The following HABP4 variants were observed in gnomAD, a reference collection of about 807,000 sequenced individuals.
HABP4 encodes the protein hyaluronan binding protein 4, also known as intracellular hyaluronan-binding protein 4.
In HABP4, 32 loss-of-function variants were observed where a neutral mutation model predicts 44.1. The observed-to-expected ratio is 0.73, with a 90% CI of 0.55 to 0.97. The LOEUF is 0.97. HABP4 is among the 50% of genes least tolerant of loss of function. The pLI, the probability that HABP4 is intolerant of heterozygous loss-of-function variation, is 0.00. For synonymous variants in HABP4, 216 were observed against 218.0 expected, an observed-to-expected ratio of 0.99 and a Z score of 0.08; for missense variants, 503 against 561.9, an observed-to-expected ratio of 0.90 and a Z score of 1.06.
intron 2 of HABP4, among the ~76,000 whole-genome samples, chr9:96,459,147 T>C (rs1273305733): frequency 3.9e-4 from 60 of 152,350 alleles, no homozygotes; most frequent in Non-Finnish European, 8.8e-5. Context: ...CAGGAGTGTG[T>C]TGAACTGGTT....
intron 5 of HABP4, among the ~76,000 whole-genome samples, chr9:96,481,602 G>T (rs1832881355): frequency 6.6e-6 from 1 of 151,876 alleles, no homozygotes; most frequent in Non-Finnish European, 1.5e-5. Context: ...AAAATTAGCT[G>T]GGCCTGATGG....
intron 5 of HABP4, among the ~76,000 whole-genome samples, chr9:96,477,812 A>T (rs142084689): frequency 6.5e-4 from 99 of 152,338 alleles, no homozygotes; most frequent in Middle Eastern, 3.4e-3. Context: ...AATCATGAGC[A>T]TAGCCATCGC....
intron 5 of HABP4, among the ~76,000 whole-genome samples, chr9:96,475,874 G>A (rs1018343821): frequency 6.6e-6 from 1 of 152,160 alleles, no homozygotes; most frequent in African/African-American, 2.4e-5. Context: ...TAGTGTATTT[G>A]CTTAAACAAT....
intron 5 of HABP4, chr9:96,484,211 G>C: frequency 5.6e-6 from 2 of 356,554 alleles, no homozygotes; most frequent in East Asian, 1.1e-4. Context: ...ATGTCATCAG[G>C]ATGGTGATGT....
intron 6 of HABP4, among the ~76,000 whole-genome samples, chr9:96,485,655 G>A (rs1832963345): frequency 6.6e-6 from 1 of 152,182 alleles, no homozygotes; most frequent in Non-Finnish European, 1.5e-5. Context: ...TGATAGGGAT[G>A]CCATGGGGTC....
At chr9:96,466,096 C>T (rs1384515686) in intron 4 of HABP4, among the ~76,000 whole-genome samples, 4 of 152,146 alleles carry the variant, frequency 2.6e-5, no homozygotes, top group East Asian at 1.9e-4. Flanking sequence ...GTTGGCTGCA[C>T]ACGGTGACTC....
At chr9:96,464,633 A>G (rs1408813361) in intron 2 of HABP4, among the ~76,000 whole-genome samples, 2 of 152,176 alleles carry the variant, frequency 1.3e-5, no homozygotes, top group African/African-American at 4.8e-5. Flanking sequence ...GCAGGCAGAA[A>G]AAGAGAAGCC....
chr9:96,490,233 A>C lies in HABP4; in HGVS notation c.*195A>C. On this transcript the variant is annotated 3_prime_UTR_variant, in exon 8 of 8. Coordinates refer to ENST00000375249, the MANE Select transcript of HABP4 (RefSeq NM_014282.4). ...CTCGAGAGCAGGCCATTTCCCAAGA[A>C]GATGAAGAATGGTGACTGTGTTTTT... The C allele has an allele frequency of 1.7e-6, 1 of 589,690 alleles. No individual in the cohort carries two copies. 36.5% of individuals were successfully genotyped at this position (589,690 alleles called of 1,614,324 possible).
chr9:96,461,338 A>G (rs1023161368), intron 2 of HABP4, among the ~76,000 whole-genome samples: 10 of 151,988 alleles, frequency 6.6e-5, no homozygotes, highest in Admixed American at 1.3e-4. Flanking sequence ...TTTTTTTTTC[A>G]GAACAGGAAT....
In HABP4 at chr9:96,488,970, C is replaced by T. The variant is rs569381972; in HGVS notation, c.1185+696C>T. Among the ~76,000 whole-genome samples the T allele has an allele frequency of 4.4e-4, 67 of 152,268 alleles. No individual in the cohort carries two copies. The highest frequency in any genetic ancestry group is 6.5e-4 in the Admixed American group (10 of 15,300). On this transcript the variant is annotated intron_variant, in intron 7 of 7. Transcript: ENST00000375249. The surrounding 1 kb of genome is among the most constrained non-coding windows in gnomAD (Gnocchi z 4.6). ...CTCATTACCGGTTTACGCAGTGCCACGCAGTGCCTGGCATGTAGTAGGTGC... is the reference window on the plus strand; with the variant it reads ...CTCATTACCGGTTTACGCAGTGCCATGCAGTGCCTGGCATGTAGTAGGTGC...
Position 96,489,998 on chromosome 9 carries a change from C to T in HABP4, c.1202C>T (p.Pro401Leu), listed in dbSNP as rs1220885437. The T allele has an allele frequency of 1.2e-6, 2 of 1,601,376 alleles. No homozygotes were observed. The highest frequency in any genetic ancestry group is 1.1e-5 in the South Asian group (1 of 90,804). ...RAEVVMQDVA[P>L]NPDDPEDFPA... ...TTTCTTTAGATGCAAGATGTTGCCCCCAACCCAGATGACCCGGAAGATTTC... is the reference window on the plus strand; with the variant it reads ...TTTCTTTAGATGCAAGATGTTGCCCTCAACCCAGATGACCCGGAAGATTTC... Residue 401 changes from proline to leucine, a missense_variant, in exon 8 of 8, where the codon CCC becomes CTC. Transcript: ENST00000375249.
chr9:96,455,479 A>AG (rs1832358370), intron 1 of HABP4, among the ~76,000 whole-genome samples: 1 of 146,960 alleles, frequency 6.8e-6, no homozygotes, highest in African/African-American at 2.6e-5. Context: ...AAAAAAAAAA[A>AG]GTGGCCAGGC....
intron 5 of HABP4, among the ~76,000 whole-genome samples, chr9:96,481,615 C>T (rs1049489361): frequency 7.9e-5 from 12 of 151,890 alleles, no homozygotes; most frequent in Non-Finnish European, 1.3e-4. Context: ...CCTGATGGCT[C>T]GTACCTGTAG....
chr9:96,469,158 G>A (rs1587680156), intron 4 of HABP4, among the ~76,000 whole-genome samples: 1 of 152,276 alleles, frequency 6.6e-6, no homozygotes, highest in East Asian at 1.9e-4. Flanking sequence ...ATTTATCTGT[G>A]CTGAAATAGA....
In HABP4 at chr9:96,465,358, A is replaced by G; in HGVS notation, c.534A>G (p.Arg178=). The change falls in exon 3 of 8, where the codon CGA becomes CGG. Residue 178 remains arginine (R), a synonymous_variant. Coordinates refer to ENST00000375249, the MANE Select transcript of HABP4 (RefSeq NM_014282.4). ...PDEKPGDRFD[R]DRPLRGRGGP... ...CTAGACCAGGTGATAGGTTTGATCG[A>G]GACAGACCGTTGAGAGGACGTGGAG... The G allele has an allele frequency of 6.2e-7, 1 of 1,610,754 alleles. No homozygotes were observed. Among genetic ancestry groups the G allele is most frequent in the Non-Finnish European group, 8.5e-7 (1 of 1,176,978 alleles).
At chr9:96,475,072 G>A (rs1188112116) in intron 5 of HABP4, among the ~76,000 whole-genome samples, 1 of 152,022 alleles carries the variant, frequency 6.6e-6, no homozygotes, top group Admixed American at 6.6e-5. Context: ...TTTGTATTTT[G>A]TTTTAAGAAT....
intron 6 of HABP4, among the ~76,000 whole-genome samples, chr9:96,486,629 C>T (rs1231777538): frequency 6.6e-6 from 1 of 151,990 alleles, no homozygotes; most frequent in African/African-American, 2.4e-5. Flanking sequence ...CATCTTGGTC[C>T]TTGTTAATCT....
At chr9:96,451,391 C>T (rs1039297951) in intron 1 of HABP4, 6 of 719,934 alleles carry the variant, frequency 8.3e-6, no homozygotes, top group Non-Finnish European at 1.0e-5. Context: ...GAGGGTGCTT[C>T]AGAGTTCATT....
rs74446668 is a variant in HABP4 at position 96,473,044 on chromosome 9, T to C, written c.827+1950T>C. On this transcript the variant is annotated intron_variant, in intron 5 of 7. Transcript: ENST00000375249. ...TCCTTGTCTTTCGGGTCTTTTAAAA[T>C]GTTAAGTTCTTCAGGGCCCTGCCTT... Among the ~76,000 whole-genome samples, 927 of 152,368 alleles carry C rather than the reference T, an allele frequency of 6.1e-3. 12 individuals are homozygous for C. Among genetic ancestry groups the C allele is most frequent in the African/African-American group, 0.021 (881 of 41,584 alleles).
Sources: gnomAD v4.1 joint callset for allele counts (sites outside exome capture counted in the v4.1 genomes callset) on GRCh38, gnomAD v4.1.1 for gene constraint, Gnocchi (gnomAD v3.1) non-coding constraint, MANE v1.5 for transcripts, NCBI Gene and HGNC (gene_info 2026-07-23, HGNC 2026-07-21) for gene names.